The following ELOVL2 variants were observed in gnomAD, a reference collection of about 807,000 sequenced individuals.
ELOVL2 encodes the protein ELOVL fatty acid elongase 2.
A neutral mutation model predicts 37.7 loss-of-function variants in ELOVL2; 38 were observed. The ratio of observed to expected loss-of-function variants is 1.01; its 90% CI spans 0.78 to 1.32. The LOEUF (loss-of-function observed/expected upper bound fraction) is 1.32, where lower values mean the gene tolerates loss of function less well. Ranked by LOEUF, ELOVL2 falls within the 40% of genes most tolerant of loss-of-function variation. The probability of loss-of-function intolerance (pLI) is 0.00; values close to 1 mark genes in which losing one functional copy is unlikely to be tolerated. For synonymous variants in ELOVL2, 115 were observed against 122.3 expected (o/e 0.94, Z 0.40); for missense variants, 352 against 363.6 (o/e 0.97, Z 0.26).
intron 3 of ELOVL2, among the ~76,000 whole-genome samples, chr6:11,000,560 A>G (rs1016129148): frequency 3.3e-5 from 5 of 152,242 alleles, no homozygotes; most frequent in Non-Finnish European, 7.3e-5. Context: ...AATATATTTA[A>G]TCATCTCAAT....
intron 1 of ELOVL2, among the ~76,000 whole-genome samples, chr6:11,019,058 A>G (rs1782726117): frequency 1.3e-5 from 2 of 152,200 alleles, no homozygotes; most frequent in African/African-American, 4.8e-5. Context: ...TGATCAGGAT[A>G]GTATACTTCT....
intron 4 of ELOVL2, among the ~76,000 whole-genome samples, chr6:10,996,094 G>GT (rs1782263945): frequency 6.6e-6 from 1 of 151,108 alleles, no homozygotes; most frequent in African/African-American, 2.4e-5. Flanking sequence ...CATTTCTTTA[G>GT]TTAAAGGCAC....
intron 5 of ELOVL2, 76 bp from the exon 6 acceptor site, chr6:10,990,518 T>G (rs911196): frequency 0.21 from 290,187 of 1,395,390 alleles, 34,601 homozygotes; most frequent in East Asian, 0.46. Context: ...TGAGATTCTC[T>G]CTCTGCATGG....
At chr6:11,023,489 A>C (rs1279809417) in intron 1 of ELOVL2, among the ~76,000 whole-genome samples, 1 of 152,238 alleles carries the variant, frequency 6.6e-6, no homozygotes, top group Non-Finnish European at 1.5e-5. Flanking sequence ...ATATATTTTG[A>C]AAATAGCTAC....
intron 1 of ELOVL2, among the ~76,000 whole-genome samples, chr6:11,038,597 A>G (rs1399644958): frequency 2.0e-5 from 3 of 152,202 alleles, no homozygotes; most frequent in African/African-American, 7.2e-5. Flanking sequence ...ACTTAATGCT[A>G]TAAGTATAGA....
At chr6:10,999,436 C>T (rs1782334996) in intron 4 of ELOVL2, among the ~76,000 whole-genome samples, 1 of 150,146 alleles carries the variant, frequency 6.7e-6, no homozygotes, top group Admixed American at 6.7e-5. Context: ...AGTGCAGTGA[C>T]ACAATCTCGG....
chr6:11,000,090 GA>G lies in ELOVL2; in HGVS notation c.329del (p.Ile110ThrfsTer3). 1 of 1,614,030 alleles carries G rather than the reference GA, an allele frequency of 6.2e-7. No homozygotes were observed. Among genetic ancestry groups the G allele is most frequent in the Admixed American group, 1.7e-5 (1 of 60,014 alleles). On this transcript the variant is annotated frameshift_variant, in exon 4 of 8. Coordinates refer to ENST00000354666, the MANE Select transcript of ELOVL2 (RefSeq NM_017770.4). LOFTEE classifies it high-confidence loss of function. Reference sequence around the variant, plus strand: ...TGATTTGCTTCTAGTGGCTCACCCGGATGTCAGCTTCCCCTGCGCTGGTAAG... The same window carrying G: ...TGATTTGCTTCTAGTGGCTCACCCGGTGTCAGCTTCCCCTGCGCTGGTAAG... ...QDLTSAGEAD[I>X]RVAKVLWWYY...
At chr6:11,031,694 TGTG>T (rs756735201) in intron 1 of ELOVL2, among the ~76,000 whole-genome samples, 10 of 152,246 alleles carry the variant, frequency 6.6e-5, no homozygotes, top group Non-Finnish European at 1.2e-4. Context: ...CAAACTCTGA[TGTG>T]GTCAAATGTC....
At chr6:11,035,471 T>C (rs572698888) in intron 1 of ELOVL2, among the ~76,000 whole-genome samples, 6 of 152,306 alleles carry the variant, frequency 3.9e-5, no homozygotes, top group Admixed American at 3.9e-4. Context: ...ACAATCGGTT[T>C]CATCATTTTC....
At chr6:11,026,083 G>A (rs1782834818) in intron 1 of ELOVL2, among the ~76,000 whole-genome samples, 1 of 152,184 alleles carries the variant, frequency 6.6e-6, no homozygotes, top group East Asian at 1.9e-4. Flanking sequence ...TGAAGTGGAA[G>A]CAGCGACTGC....
intron 1 of ELOVL2, among the ~76,000 whole-genome samples, chr6:11,023,612 A>T (rs1167218182): frequency 6.6e-6 from 1 of 152,206 alleles, no homozygotes; most frequent in African/African-American, 2.4e-5. Context: ...TCCTTCTTTT[A>T]AGCTATAAAA....
At chr6:11,004,041 C>G (rs1782436308) in intron 3 of ELOVL2, among the ~76,000 whole-genome samples, 1 of 151,700 alleles carries the variant, frequency 6.6e-6, no homozygotes, top group Admixed American at 6.6e-5. Context: ...TGAGATTGCG[C>G]CATTGCACTC....
chr6:11,036,989 C>G (rs1350707210), intron 1 of ELOVL2, among the ~76,000 whole-genome samples: 1 of 145,920 alleles, frequency 6.9e-6, no homozygotes, highest in African/African-American at 2.5e-5. Flanking sequence ...GAGAGAGAGA[C>G]AGAGGAGGCA....
intron 1 of ELOVL2, among the ~76,000 whole-genome samples, chr6:11,011,297 C>T (rs901862967): frequency 9.9e-5 from 15 of 151,030 alleles, no homozygotes; most frequent in Non-Finnish European, 2.9e-5. Flanking sequence ...ACCCGAGAGG[C>T]AGAGCTTGCA....
chr6:11,026,655 G>A (rs1782842024), intron 1 of ELOVL2, among the ~76,000 whole-genome samples: 1 of 151,978 alleles, frequency 6.6e-6, no homozygotes, highest in African/African-American at 2.4e-5. Flanking sequence ...TAGCACTTTT[G>A]TCATTTGTCT....
chr6:11,029,816 T>C (rs1381826782), intron 1 of ELOVL2, among the ~76,000 whole-genome samples: 2 of 152,226 alleles, frequency 1.3e-5, no homozygotes, highest in Non-Finnish European at 2.9e-5. Flanking sequence ...GGACACTGCA[T>C]GCAGTGGGTT....
At chr6:10,995,438 T>C (rs532383616) in intron 4 of ELOVL2, among the ~76,000 whole-genome samples, 2 of 152,258 alleles carry the variant, frequency 1.3e-5, no homozygotes, top group South Asian at 2.1e-4. Context: ...CCCAAGTTCA[T>C]GACTCCTGGC....
At chr6:10,985,025 G>A (rs1782022206) in intron 7 of ELOVL2, among the ~76,000 whole-genome samples, 1 of 152,168 alleles carries the variant, frequency 6.6e-6, no homozygotes, top group African/African-American at 2.4e-5. Flanking sequence ...TCCAGCACCT[G>A]TTGTTTCCTG....
chr6:11,012,528 C>G (rs769002505), intron 1 of ELOVL2, among the ~76,000 whole-genome samples: 1 of 152,214 alleles, frequency 6.6e-6, no homozygotes, highest in South Asian at 2.1e-4. Context: ...GCTGCACCCA[C>G]AAACAAATGT....
Sources: allele counts gnomAD v4.1 joint callset (sites outside exome capture counted in the v4.1 genomes callset), GRCh38; gene constraint gnomAD v4.1.1; transcripts MANE v1.5; gene names NCBI Gene and HGNC (gene_info 2026-07-23, HGNC 2026-07-21).